Variants in DPYD observed in about 807,000 individuals in gnomAD.
DPYD encodes dihydropyrimidine dehydrogenase [NADP(+)].
DPYD carries 109 observed loss-of-function variants against 116.2 expected under a neutral mutation model. The ratio of observed to expected loss-of-function variants is 0.94; its 90% CI spans 0.80 to 1.10. The LOEUF is 1.10. DPYD is among the 50% of genes least tolerant of loss of function. The pLI is 0.00. For synonymous variants in DPYD, 440 were observed against 432.0 expected (o/e 1.02, Z -0.23); for missense variants, 1,302 against 1,254.5 (o/e 1.04, Z -0.57).
chr1:97,540,650 C>A (rs991433320), intron 12 of DPYD, among the ~76,000 whole-genome samples: 4 of 152,144 alleles, frequency 2.6e-5, no homozygotes, highest in Non-Finnish European at 4.4e-5. Context: ...ATGGAAAGTT[C>A]ATTACATAGG....
At chr1:97,118,974 T>C (rs1010543961) in intron 20 of DPYD, among the ~76,000 whole-genome samples, 1 of 152,052 alleles carries the variant, frequency 6.6e-6, no homozygotes, top group Non-Finnish European at 1.5e-5. Context: ...TATAATAATA[T>C]TTAGTGACAA....
Position 97,691,710 on chromosome 1 carries a change from C to A in DPYD, c.762+7G>T. The A allele has an allele frequency of 1.2e-6, 2 of 1,612,184 alleles. No individual in the cohort carries two copies. Among genetic ancestry groups the A allele is most frequent in the East Asian group, 2.2e-5 (1 of 44,776 alleles). ...GCAGTACACAGATAGGTGTTTTTTT[C>A]ATTTACCTTTACACCAAGGTCCTTC... On this transcript the variant is annotated splice_region_variant and intron_variant, in intron 7 of 22. Coordinates refer to ENST00000370192, the MANE Select transcript of DPYD (RefSeq NM_000110.4).
At chr1:97,433,224 G>C (rs561486942) in intron 14 of DPYD, among the ~76,000 whole-genome samples, 13 of 152,100 alleles carry the variant, frequency 8.5e-5, no homozygotes, top group Non-Finnish European at 1.3e-4. Flanking sequence ...CTTGCCTTAG[G>C]GGGGATATCT....
chr1:97,581,833 G>C (rs1653701844), intron 10 of DPYD, among the ~76,000 whole-genome samples: 2 of 151,790 alleles, frequency 1.3e-5, no homozygotes, highest in South Asian at 4.2e-4. Context: ...ATTAATCACT[G>C]GAAAGGAATT....
chr1:97,325,946 A>C (rs1480426371), intron 16 of DPYD, among the ~76,000 whole-genome samples: 1 of 151,832 alleles, frequency 6.6e-6, no homozygotes, highest in Non-Finnish European at 1.5e-5. Context: ...CTTATCCTTT[A>C]GGCAATAAGA....
At chr1:97,585,157 C>G (rs1378757912) in intron 10 of DPYD, among the ~76,000 whole-genome samples, 1 of 152,062 alleles carries the variant, frequency 6.6e-6, no homozygotes, top group Non-Finnish European at 1.5e-5. Context: ...GAATCAAGGG[C>G]TGCACTATAT....
In DPYD at chr1:97,652,543, G is replaced by T. The variant is rs1250671355; in HGVS notation, c.850+26552C>A. 2.0e-5 allele frequency among the ~76,000 whole-genome samples: 3 copies of T among 152,160 alleles called. No individual in the cohort carries two copies. In the East Asian group the frequency reaches 5.8e-4, roughly 29 times the overall value. On this transcript the variant is annotated intron_variant, in intron 8 of 22. Coordinates refer to ENST00000370192, the MANE Select transcript of DPYD (RefSeq NM_000110.4). ...AAACATTATGTGAATTTGTGCAGGAGAATTTTCCAGAAAAAGATCTGAAGA... is the reference window on the plus strand; with the variant it reads ...AAACATTATGTGAATTTGTGCAGGATAATTTTCCAGAAAAAGATCTGAAGA...
chr1:97,544,674 G>GAAA lies in DPYD; in HGVS notation c.1524+4883_1524+4885dup, dbSNP rs147676795. The stretch of plus-strand genomic sequence containing the variant: ...TTACAAGACAACAGTGAAATGAACA[G>GAAA]AAAAAAAAAAAACATTAAGATTCCT... On this transcript the variant is annotated intron_variant, in intron 12 of 22. Transcript: ENST00000370192. Among the ~76,000 whole-genome samples the GAAA allele has an allele frequency of 7.1e-3, 999 of 140,910 alleles. 15 individuals carry two copies. Among genetic ancestry groups the GAAA allele is most frequent in the African/African-American group, 0.023 (878 of 37,918 alleles). The allele number at this position is 140,910 out of a possible 152,430, so 92.4% of individuals were successfully genotyped here.
At chr1:97,489,115 G>C (rs1480357481) in intron 13 of DPYD, among the ~76,000 whole-genome samples, 1 of 152,216 alleles carries the variant, frequency 6.6e-6, no homozygotes, top group Non-Finnish European at 1.5e-5. Context: ...AAATGTAGTT[G>C]AAGAGACAAC....
chr1:97,833,909 T>C (rs1030059838), intron 2 of DPYD, among the ~76,000 whole-genome samples: 5 of 152,126 alleles, frequency 3.3e-5, no homozygotes, highest in African/African-American at 1.2e-4. Flanking sequence ...ATGAAAACCA[T>C]GATCCTTTTC....
intron 8 of DPYD, among the ~76,000 whole-genome samples, chr1:97,631,130 G>T (rs1657234277): frequency 6.6e-6 from 1 of 152,098 alleles, no homozygotes; most frequent in South Asian, 2.1e-4. Flanking sequence ...CGTCTCAACA[G>T]GATTTCCAGT....
At chr1:97,695,706 T>A (rs182604948) in intron 6 of DPYD, among the ~76,000 whole-genome samples, 1 of 151,898 alleles carries the variant, frequency 6.6e-6, no homozygotes, top group East Asian at 1.9e-4. Context: ...TCTCTGAGGT[T>A]AGGAGGAGTT....
chr1:97,104,623 A>C (rs1651001795), intron 20 of DPYD, among the ~76,000 whole-genome samples: 1 of 152,126 alleles, frequency 6.6e-6, no homozygotes, highest in Admixed American at 6.6e-5. Flanking sequence ...AGGTGAAGGT[A>C]GGATGGCAAG....
chr1:97,224,995 GTCTGTCTGTCTATCTATCTATCTATCTA>G (rs1426639238), intron 19 of DPYD, among the ~76,000 whole-genome samples: 2 of 132,976 alleles, frequency 1.5e-5, no homozygotes, highest in African/African-American at 6.0e-5. Context: ...CTAACTATCT[GTCTGTCTGTCTATCTATCTATCTATCTA>G]TCTATCTATC....
At chr1:97,090,108 T>A (rs1378234976) in intron 21 of DPYD, among the ~76,000 whole-genome samples, 2 of 152,126 alleles carry the variant, frequency 1.3e-5, no homozygotes, top group Non-Finnish European at 2.9e-5. Flanking sequence ...AAAGAATGAG[T>A]TTACCATTTT....
intron 8 of DPYD, among the ~76,000 whole-genome samples, chr1:97,671,274 T>C (rs547318063): frequency 6.6e-6 from 1 of 152,234 alleles, no homozygotes; most frequent in South Asian, 2.1e-4. Context: ...GAAAAAGCCA[T>C]GATTTTAAAA....
intron 12 of DPYD, chr1:97,546,911 G>T (rs895995945): frequency 6.2e-7 from 1 of 1,608,622 alleles, no homozygotes; most frequent in African/African-American, 1.3e-5. Flanking sequence ...GACAGTGAGG[G>T]CTTTGAAGAT....
At chr1:97,496,413 T>C (rs1679269718) in intron 13 of DPYD, among the ~76,000 whole-genome samples, 1 of 152,060 alleles carries the variant, frequency 6.6e-6, no homozygotes, top group Non-Finnish European at 1.5e-5. Flanking sequence ...TATTATCAGA[T>C]AATCCTCTCT....
At chr1:97,332,519 T>A (rs1286505903) in intron 16 of DPYD, among the ~76,000 whole-genome samples, 1 of 152,230 alleles carries the variant, frequency 6.6e-6, no homozygotes, top group Non-Finnish European at 1.5e-5. Flanking sequence ...TTGAGTTTTG[T>A]GTCCTAGAAG....
Sources: allele counts gnomAD v4.1 joint callset (sites outside exome capture counted in the v4.1 genomes callset), GRCh38; gene constraint gnomAD v4.1.1; transcripts MANE v1.5; gene names NCBI Gene and HGNC (gene_info 2026-07-23, HGNC 2026-07-21).